COBL: variants seen among roughly 807,000 people sequenced by gnomAD.
COBL encodes the protein cordon-bleu WH2 repeat protein, also known as protein cordon-bleu.
COBL carries 51 observed loss-of-function variants against 98.8 expected under a neutral mutation model. The observed-to-expected ratio is 0.52, with a 90% CI of 0.41 to 0.65. The LOEUF is 0.65. COBL is among the 30% of genes least tolerant of loss of function. The pLI, the probability that COBL is intolerant of heterozygous loss-of-function variation, is 0.00. For missense variants in COBL, 1,617 were observed against 1,617.5 expected (o/e 1.00, Z 0.01); for synonymous variants, 634 against 651.7 (o/e 0.97, Z 0.41).
At chr7:51,224,907 C>T (rs887899268) in intron 1 of COBL, among the ~76,000 whole-genome samples, 1 of 152,166 alleles carries the variant, frequency 6.6e-6, no homozygotes, top group African/African-American at 2.4e-5. Flanking sequence ...GGTGATCCGC[C>T]TGCATGTGGG....
chr7:51,137,474 C>T (rs1799347228), intron 5 of COBL, among the ~76,000 whole-genome samples: 1 of 151,904 alleles, frequency 6.6e-6, no homozygotes, highest in Non-Finnish European at 1.5e-5. Flanking sequence ...TCATGCTCAC[C>T]TTTAGTGCTA....
intron 2 of COBL, among the ~76,000 whole-genome samples, chr7:51,205,269 AC>A (rs1410508305): frequency 6.6e-6 from 1 of 152,270 alleles, no homozygotes; most frequent in Non-Finnish European, 1.5e-5. Context: ...AAAATATCTT[AC>A]ACAGCTATAG....
intron 5 of COBL, among the ~76,000 whole-genome samples, chr7:51,151,934 T>C (rs1026872412): frequency 1.1e-4 from 16 of 152,232 alleles, no homozygotes; most frequent in African/African-American, 3.6e-4. Flanking sequence ...CCTGTGGCCA[T>C]TCCTTAACTC....
chr7:51,155,517 G>A lies in COBL; in HGVS notation c.784-19186C>T, dbSNP rs573838765. Among the ~76,000 whole-genome samples the A allele has an allele frequency of 1.5e-4, 22 of 149,704 alleles. 1 individual carries two copies. The South Asian group carries it at 4.7e-3, about 32-fold the overall frequency. ...AGGCAGGAGAATCATTTGAACCTGG[G>A]AGGCGGAGGTTGCAGTGAGCTGAGA... On this transcript the variant is annotated intron_variant, in intron 5 of 12. Coordinates refer to ENST00000265136, the MANE Select transcript of COBL (RefSeq NM_015198.5).
chr7:51,097,992 C>CCAG (rs1795441791), intron 6 of COBL, among the ~76,000 whole-genome samples: 1 of 147,180 alleles, frequency 6.8e-6, no homozygotes, highest in Non-Finnish European at 1.5e-5. Flanking sequence ...CCACTGCACT[C>CCAG]CAGCCTGGAC....
intron 8 of COBL, chr7:51,035,708 T>C (rs1225237413): frequency 6.6e-6 from 1 of 152,206 alleles, no homozygotes; most frequent in Non-Finnish European, 1.5e-5. Context: ...TGCCAATAAT[T>C]AATATAAAAT....
At chr7:51,275,910 G>C (rs555026061) in intron 1 of COBL, among the ~76,000 whole-genome samples, 1 of 152,146 alleles carries the variant, frequency 6.6e-6, no homozygotes, top group Non-Finnish European at 1.5e-5. Flanking sequence ...CTGCTCTGCC[G>C]GGGTTTTGTG....
At chr7:51,068,325 A>G (rs1305946469) in intron 7 of COBL, among the ~76,000 whole-genome samples, 1 of 152,230 alleles carries the variant, frequency 6.6e-6, no homozygotes, top group Non-Finnish European at 1.5e-5. Flanking sequence ...AAATGCTGCG[A>G]CCAGCTTTCT....
intron 7 of COBL, among the ~76,000 whole-genome samples, chr7:51,066,174 T>G (rs946681952): frequency 1.4e-4 from 21 of 152,236 alleles, no homozygotes; most frequent in African/African-American, 4.8e-4. Context: ...ACATGGTGAC[T>G]GTCTCAGTCT....
intron 1 of COBL, among the ~76,000 whole-genome samples, chr7:51,241,879 G>A (rs903839596): frequency 2.0e-5 from 3 of 152,202 alleles, no homozygotes; most frequent in African/African-American, 7.2e-5. Flanking sequence ...GGTGAGGCAG[G>A]AGAGTAATGT....
intron 1 of COBL, among the ~76,000 whole-genome samples, chr7:51,257,990 G>A (rs566410778): frequency 1.3e-5 from 2 of 152,228 alleles, no homozygotes; most frequent in South Asian, 4.1e-4. Context: ...TTGTAACAAG[G>A]AAAATGTATT....
At chr7:51,203,244 C>G (rs1387145049) in intron 2 of COBL, among the ~76,000 whole-genome samples, 1 of 116,386 alleles carries the variant, frequency 8.6e-6, no homozygotes, top group Non-Finnish European at 1.7e-5. Flanking sequence ...GGGCGGATCA[C>G]GAGGTCAGGA....
chr7:51,030,754 T>C, intron 9 of COBL, 58 bp downstream of exon 9: 1 of 1,077,414 alleles, frequency 9.3e-7, no homozygotes. Flanking sequence ...AGGAAGTTAC[T>C]GTTGGCACCT....
chr7:51,109,245 T>C (rs1561251), intron 6 of COBL, among the ~76,000 whole-genome samples: 62,777 of 152,006 alleles, frequency 0.41, 13,151 homozygotes, highest in East Asian at 0.56. Context: ...TCATCCATTC[T>C]TATTTCCCCA....
At chr7:51,116,086 T>C (rs1424977291) in intron 6 of COBL, among the ~76,000 whole-genome samples, 1 of 152,098 alleles carries the variant, frequency 6.6e-6, no homozygotes, top group Non-Finnish European at 1.5e-5. Flanking sequence ...TTTTAATCAG[T>C]ATCTGTCTTT....
chr7:51,194,575 A>G (rs1178432774), intron 2 of COBL, among the ~76,000 whole-genome samples: 1 of 152,216 alleles, frequency 6.6e-6, no homozygotes, highest in Non-Finnish European at 1.5e-5. Context: ...TTACAATCCC[A>G]TCAACAGTGT....
intron 7 of COBL, among the ~76,000 whole-genome samples, chr7:51,078,890 C>G (rs1348672184): frequency 6.6e-6 from 1 of 152,234 alleles, no homozygotes; most frequent in East Asian, 1.9e-4. Context: ...CCATGTGGGT[C>G]TCCGTAGAGC....
At chr7:51,098,349 A>G (rs1795501781) in intron 6 of COBL, among the ~76,000 whole-genome samples, 2 of 151,816 alleles carry the variant, frequency 1.3e-5, no homozygotes, top group African/African-American at 4.8e-5. Flanking sequence ...GAAGCCTCAC[A>G]CTTTCTGGTT....
At chr7:51,118,154 C>G (rs1339764998) in intron 6 of COBL, among the ~76,000 whole-genome samples, 1 of 152,192 alleles carries the variant, frequency 6.6e-6, no homozygotes, top group East Asian at 1.9e-4. Flanking sequence ...CCACAAGTTA[C>G]TTTCCTGAGT....
Sources: allele counts gnomAD v4.1 joint callset (sites outside exome capture counted in the v4.1 genomes callset), GRCh38; gene constraint gnomAD v4.1.1; transcripts MANE v1.5; gene names NCBI Gene and HGNC (gene_info 2026-07-23, HGNC 2026-07-21).